CHD8: variants seen among roughly 807,000 people sequenced by gnomAD.
CHD8 encodes chromodomain helicase DNA binding protein 8.
In CHD8, 31 loss-of-function variants were observed where a neutral mutation model predicts 279.2. The ratio of observed to expected loss-of-function variants is 0.11; its 90% CI spans 0.08 to 0.15. The LOEUF is 0.15. CHD8 is among the 10% of genes least tolerant of loss of function. The probability of loss-of-function intolerance (pLI) is 1.00; values close to 1 mark genes in which losing one functional copy is unlikely to be tolerated. For synonymous variants in CHD8, 1,081 were observed against 1,139.6 expected (o/e 0.95, Z 1.04); for missense variants, 2,146 against 3,230.5 (o/e 0.66, Z 8.14).
At chr14:21,437,845 T>TG (rs1889851229) in intron 1 of CHD8, among the ~76,000 whole-genome samples, 1 of 152,138 alleles carries the variant, frequency 6.6e-6, no homozygotes, top group Non-Finnish European at 1.5e-5. Context: ...CAGTAATTCC[T>TG]GGGGCCCTCT....
chr14:21,415,688 A>T, intron 6 of CHD8, 37 bp downstream of exon 6: 1 of 1,612,368 alleles, frequency 6.2e-7, no homozygotes, highest in East Asian at 2.2e-5. Flanking sequence ...GTGACCAGCA[A>T]GGCAATCCTC....
chr14:21,405,916 G>A lies in CHD8; in HGVS notation c.2908-52C>T, dbSNP rs369675695. On this transcript the variant is annotated intron_variant, in intron 14 of 37. Transcript: ENST00000646647. This position sits in a 1 kb window ranked among gnomAD's most constrained non-coding sequence, Gnocchi z 4.2. ...AAATTTAAAAACATGAAGGACTTCT[G>A]GGGTTTCCTATCAAGTATATAATCT... The A allele has an allele frequency of 1.2e-5, 17 of 1,448,794 alleles. No individual in the cohort carries two copies. The highest frequency in any genetic ancestry group is 1.6e-5 in the Non-Finnish European group (17 of 1,056,156). The allele number at this position is 1,448,794 out of a possible 1,614,324, so 89.7% of individuals were successfully genotyped here.
Position 21,408,218 on chromosome 14 carries a change from A to G in CHD8, c.2730+94T>C. The G allele has an allele frequency of 6.9e-7, 1 of 1,451,086 alleles. No homozygotes were observed. Among genetic ancestry groups the G allele is most frequent in the African/African-American group, 1.4e-5 (1 of 71,140 alleles). The allele number at this position is 1,451,086 out of a possible 1,614,324, so 89.9% of individuals were successfully genotyped here. On this transcript the variant is annotated intron_variant, in intron 13 of 37. Coordinates refer to ENST00000646647, the MANE Select transcript of CHD8 (RefSeq NM_001170629.2). This position sits in a 1 kb window ranked among gnomAD's most constrained non-coding sequence, Gnocchi z 4.3. ...TTGCATAGGCATATTGAAGACTTTC[A>G]ATAAAAGTCTTCTATTCATATATAG...
At chr14:21,401,288 T>A (rs886924942) in intron 21 of CHD8, 115 bp downstream of exon 21, 1 of 763,166 alleles carries the variant, frequency 1.3e-6, no homozygotes, top group South Asian at 1.9e-5. Context: ...ACAGCCCTTG[T>A]ATACAATACA....
At chr14:21,423,521 CTTTT>C in intron 5 of CHD8, among the ~76,000 whole-genome samples, 1 of 148,676 alleles carries the variant, frequency 6.7e-6, no homozygotes, top group South Asian at 2.1e-4. Flanking sequence ...TATCCATGAA[CTTTT>C]TTTTTTGGCG....
At position 21,392,584 on chromosome 14, in the gene CHD8, C is replaced by G. The variant is rs752465998; in HGVS notation, c.6694G>C (p.Val2232Leu). 1 of 1,613,866 alleles carries G rather than the reference C, an allele frequency of 6.2e-7. No homozygotes were observed. The highest frequency in any genetic ancestry group is 2.2e-5 in the East Asian group (1 of 44,894). Residue 2232 changes from valine (V) to leucine (L), a missense_variant, in exon 34 of 38, where the codon GTC becomes CTC. Transcript: ENST00000646647. The stretch of plus-strand genomic sequence containing the variant: ...GTGAACTGGGCTGCCGCTGTGCTGA[C>G]TGCAGATGCTTCCTCCTCTGCCATG... ...ASMAEEEASAVSTAAAQFTKL... is the reference protein window; with the variant it reads ...ASMAEEEASALSTAAAQFTKL...
intron 32 of CHD8, 35 bp downstream of exon 32, chr14:21,393,441 G>C (rs1249949001): frequency 5.9e-6 from 9 of 1,519,042 alleles, no homozygotes; most frequent in Non-Finnish European, 8.0e-6. Context: ...GGGGGAAATA[G>C]GGAAGGGGGC....
intron 5 of CHD8, 132 bp from the exon 6 acceptor site, chr14:21,416,039 A>G (rs1159414499): frequency 1.4e-6 from 1 of 731,434 alleles, no homozygotes; most frequent in Non-Finnish European, 2.3e-6. Flanking sequence ...AAAAGATGAT[A>G]AGGAGATTAT....
chr14:21,432,554 C>G (rs566263865), intron 1 of CHD8, among the ~76,000 whole-genome samples: 1 of 152,228 alleles, frequency 6.6e-6, no homozygotes, highest in Non-Finnish European at 1.5e-5. Flanking sequence ...CTCTTACCAT[C>G]TCTTACATAT....
In CHD8 at chr14:21,403,176, G is replaced by T. The variant is rs1229457175; in HGVS notation, c.3555C>A (p.Gly1185=). 2 of 1,613,796 alleles carry T rather than the reference G, an allele frequency of 1.2e-6. No homozygotes were observed. The highest frequency in any genetic ancestry group is 2.7e-5 in the African/African-American group (2 of 74,906). ...GGTCAATGGCAGCCTGTCGAAGGTT[G>T]CCTCTAACTCGCCCATCAATACGTT... ...LYERIDGRVR[G]NLRQAAIDRF... Residue 1185 remains glycine, a synonymous_variant, in exon 18 of 38, where the codon GGC becomes GGA. Coordinates refer to ENST00000646647, the MANE Select transcript of CHD8 (RefSeq NM_001170629.2). This position sits in a 1 kb window ranked among gnomAD's most constrained non-coding sequence, Gnocchi z 4.3.
intron 1 of CHD8, among the ~76,000 whole-genome samples, chr14:21,451,504 G>A (rs775383067): frequency 3.3e-5 from 5 of 149,668 alleles, no homozygotes; most frequent in African/African-American, 7.4e-5. Context: ...CCCGGGAGGC[G>A]GAGGTTGTGC....
chr14:21,423,472 C>A (rs954138064), intron 5 of CHD8, among the ~76,000 whole-genome samples: 48 of 152,044 alleles, frequency 3.2e-4, no homozygotes, highest in Admixed American at 2.9e-3. Context: ...TCTTAAGGGT[C>A]CCCCCTCTCA....
In CHD8 at chr14:21,400,037, C is replaced by T. The variant is rs372730716; in HGVS notation, c.4761G>A (p.Leu1587=). Residue 1587 remains leucine, a synonymous_variant, in exon 25 of 38, where the codon CTG becomes CTA. Transcript: ENST00000646647. This position sits in a 1 kb window ranked among gnomAD's most constrained non-coding sequence, Gnocchi z 4.2. ...VLLRVRMLYY[L]RQEVIGDQAE... is the part of the protein sequence containing the mutation. ...CTTGGTCTCCAATAACCTCCTGCCT[C>T]AGGTAGTATAGCATTCGTACCCGCA... The T allele has an allele frequency of 6.2e-7, 1 of 1,613,744 alleles. No homozygotes were observed. The highest frequency in any genetic ancestry group is 2.2e-5 in the East Asian group (1 of 44,836).
intron 1 of CHD8, 46 bp from the exon 2 acceptor site, chr14:21,431,904 G>T: frequency 1.5e-6 from 2 of 1,327,724 alleles, no homozygotes; most frequent in Non-Finnish European, 2.2e-6. Flanking sequence ...CAAAGTTGGC[G>T]ATCTCAGAGA....
chr14:21,432,460 C>A (rs1365073479), intron 1 of CHD8, among the ~76,000 whole-genome samples: 1 of 152,184 alleles, frequency 6.6e-6, no homozygotes, highest in Non-Finnish European at 1.5e-5. Flanking sequence ...GAAGTCCCCT[C>A]TCAAGAAAAC....
At chr14:21,415,315 T>G (rs960304745) in intron 7 of CHD8, 33 of 362,230 alleles carry the variant, frequency 9.1e-5, no homozygotes, top group Middle Eastern at 1.6e-3. Context: ...ATAAAGCCTG[T>G]GAACATAGCA....
At chr14:21,407,099 T>C in intron 13 of CHD8, 67 bp from the exon 14 acceptor site, 5 of 1,322,430 alleles carry the variant, frequency 3.8e-6, no homozygotes, top group Non-Finnish European at 4.1e-6. Flanking sequence ...TTTTCTGAAT[T>C]ACTTGCCTAT....
Position 21,393,664 on chromosome 14 carries a change from C to T in CHD8, c.6131G>A (p.Arg2044Gln), listed in dbSNP as rs370062980. The change falls in exon 32 of 38, where the codon CGA (arginine) becomes CAA (glutamine). Residue 2044 changes from arginine to glutamine, a missense_variant. Transcript: ENST00000646647. ...SRPTPQDYEM[R>Q]VSPSDTTPLV... is the part of the protein sequence containing the mutation. The stretch of plus-strand genomic sequence containing the variant: ...AGGGGTAGTATCAGAGGGGGATACT[C>T]GCATCTCATAGTCTTGTGGGGTTGG... 26 of 1,613,782 alleles carry T rather than the reference C, an allele frequency of 1.6e-5. No homozygotes were observed. Among genetic ancestry groups the T allele is most frequent in the African/African-American group, 5.3e-5 (4 of 74,908 alleles).
Position 21,403,415 on chromosome 14 carries a change from G to A in CHD8, c.3518+38C>T. On this transcript the variant is annotated intron_variant, in intron 17 of 37. Coordinates refer to ENST00000646647, the MANE Select transcript of CHD8 (RefSeq NM_001170629.2). This position sits in a 1 kb window ranked among gnomAD's most constrained non-coding sequence, Gnocchi z 4.3. ...CTCCTACTTTTTGCTGCTTTATGAG[G>A]ACAGAGTAACCACAGGCTAGGATGA... 6.6e-7 allele frequency: 1 copy of A among 1,525,682 alleles called. No homozygotes were observed. Among genetic ancestry groups the A allele is most frequent in the Non-Finnish European group, 9.0e-7 (1 of 1,106,844 alleles). The allele number at this position is 1,525,682 out of a possible 1,614,324, so 94.5% of individuals were successfully genotyped here.
Sources: gnomAD v4.1 joint callset for allele counts (sites outside exome capture counted in the v4.1 genomes callset) on GRCh38, gnomAD v4.1.1 for gene constraint, Gnocchi (gnomAD v3.1) non-coding constraint, MANE v1.5 for transcripts, NCBI Gene and HGNC (gene_info 2026-07-23, HGNC 2026-07-21) for gene names.